The following EYS variants were observed in gnomAD, a reference collection of about 807,000 sequenced individuals.
EYS encodes the protein EGF-like photoreceptor maintenance factor, also known as protein eyes shut homolog.
EYS carries 250 observed loss-of-function variants against 282.1 expected under a neutral mutation model. The ratio of observed to expected loss-of-function variants is 0.89; its 90% confidence interval spans 0.80 to 0.98. The LOEUF (loss-of-function observed/expected upper bound fraction) is 0.98. Ranked by LOEUF, EYS falls within the 50% of genes least tolerant of loss-of-function variation. The pLI, the probability that EYS is intolerant of heterozygous loss-of-function variation, is 0.00. For synonymous variants in EYS, 1,355 were observed against 1,282.9 expected, an observed-to-expected ratio of 1.06 and a Z score of -1.20; for missense variants, 4,016 against 3,709.0, an observed-to-expected ratio of 1.08 and a Z score of -2.15.
chr6:63,726,725 T>C, intron 41 of EYS, 45 bp from the exon 42 acceptor site: 1 of 1,466,932 alleles, frequency 6.8e-7, no homozygotes, highest in Non-Finnish European at 9.3e-7. Context: ...ATCTGCTGGA[T>C]TAAAAAACAT....
chr6:64,805,190 C>T (rs148567138), intron 22 of EYS, among the ~76,000 whole-genome samples: 20 of 151,884 alleles, frequency 1.3e-4, no homozygotes, highest in African/African-American at 2.9e-4. Flanking sequence ...GTGAATTAAA[C>T]GAGTAGTCTC....
At chr6:64,676,357 G>C (rs1769682042) in intron 22 of EYS, among the ~76,000 whole-genome samples, 1 of 148,308 alleles carries the variant, frequency 6.7e-6, no homozygotes, top group Non-Finnish European at 1.5e-5. Context: ...TATATAGAGA[G>C]AGAGAGGGAG....
intron 2 of EYS, among the ~76,000 whole-genome samples, chr6:65,547,434 AG>A (rs1768433926): frequency 6.6e-6 from 1 of 152,046 alleles, no homozygotes; most frequent in Non-Finnish European, 1.5e-5. Flanking sequence ...ATAATATTAC[AG>A]TAATGAATGT....
intron 26 of EYS, among the ~76,000 whole-genome samples, chr6:64,515,040 T>C (rs1777523465): frequency 2.6e-5 from 4 of 151,776 alleles, no homozygotes; most frequent in Admixed American, 1.3e-4. Flanking sequence ...CACAGGTCTA[T>C]AGAATTTATA....
At chr6:64,010,393 T>TGGGGGG (rs199583269) in intron 33 of EYS, among the ~76,000 whole-genome samples, 1 of 70,184 alleles carries the variant, frequency 1.4e-5, no homozygotes, top group African/African-American at 4.5e-5. Context: ...TGTGTTTGGT[T>TGGGGGG]GGGGGGGGGG....
intron 2 of EYS, among the ~76,000 whole-genome samples, chr6:65,514,820 C>G (rs1334529640): frequency 6.6e-6 from 1 of 152,076 alleles, no homozygotes; most frequent in African/African-American, 2.4e-5. Context: ...AACAATAGAC[C>G]TAAAACCATA....
intron 31 of EYS, among the ~76,000 whole-genome samples, chr6:64,198,680 TA>T (rs1451865664): frequency 3.9e-5 from 6 of 152,230 alleles, no homozygotes; most frequent in African/African-American, 1.4e-4. Flanking sequence ...GGCTTCATAG[TA>T]TTCCATGGTG....
intron 19 of EYS, among the ~76,000 whole-genome samples, chr6:64,860,341 C>G (rs977562351): frequency 6.6e-6 from 1 of 152,208 alleles, no homozygotes; most frequent in African/African-American, 2.4e-5. Context: ...TGGCCTAGAT[C>G]CCATGCCTGC....
chr6:63,981,611 G>T (rs954594709), intron 35 of EYS, among the ~76,000 whole-genome samples: 9 of 151,854 alleles, frequency 5.9e-5, no homozygotes, highest in Admixed American at 5.3e-4. Context: ...TCTCCATGTG[G>T]CTAGCAGTAT....
At chr6:64,821,087 G>A (rs1190399368) in intron 21 of EYS, among the ~76,000 whole-genome samples, 5 of 151,342 alleles carry the variant, frequency 3.3e-5, no homozygotes, top group Non-Finnish European at 7.4e-5. Context: ...ATTCTCAGTC[G>A]ACCAACATTT....
chr6:65,667,363 C>A (rs969267), intron 1 of EYS, among the ~76,000 whole-genome samples: 64,823 of 151,610 alleles, frequency 0.43, 14,834 homozygotes, highest in East Asian at 0.65. Context: ...TCATACCATT[C>A]TCTTTCTCAC....
intron 2 of EYS, among the ~76,000 whole-genome samples, chr6:65,519,708 A>ATTTTTTTTTTT (rs59743261): frequency 7.0e-5 from 3 of 42,562 alleles, no homozygotes; most frequent in East Asian, 1.1e-3. Context: ...ATATATATAT[A>ATTTTTTTTTTT]TTTTTTTTTT....
intron 15 of EYS, among the ~76,000 whole-genome samples, chr6:64,921,141 T>G (rs758985614): frequency 4.6e-5 from 7 of 152,160 alleles, no homozygotes; most frequent in Non-Finnish European, 1.0e-4. Context: ...ATTAAAACTA[T>G]ATACTCTAAT....
chr6:65,020,482 G>T (rs934514661), intron 13 of EYS, among the ~76,000 whole-genome samples: 8 of 152,174 alleles, frequency 5.3e-5, no homozygotes, highest in Admixed American at 4.6e-4. Flanking sequence ...ACATCCCATG[G>T]CTTTGGGCAG....
At chr6:63,780,780 T>C (rs1160059193) in intron 39 of EYS, among the ~76,000 whole-genome samples, 1 of 152,232 alleles carries the variant, frequency 6.6e-6, no homozygotes, top group African/African-American at 2.4e-5. Context: ...ATTTTGGCTT[T>C]TGTTGCCATT....
chr6:65,522,369 G>A (rs1767404880), intron 2 of EYS, among the ~76,000 whole-genome samples: 1 of 152,182 alleles, frequency 6.6e-6, no homozygotes, highest in East Asian at 1.9e-4. Flanking sequence ...GGGAGGCTGA[G>A]GCCAGAGGAT....
intron 22 of EYS, among the ~76,000 whole-genome samples, chr6:64,738,624 A>T (rs186114417): frequency 6.6e-6 from 1 of 152,372 alleles, no homozygotes; most frequent in East Asian, 1.9e-4. Context: ...TGCACAATAG[A>T]AAATGAACAG....
chr6:65,052,747 T>C (rs2150155278), intron 13 of EYS, among the ~76,000 whole-genome samples: 1 of 151,708 alleles, frequency 6.6e-6, no homozygotes, highest in African/African-American at 2.4e-5. Flanking sequence ...GAAAACCAAA[T>C]AATACCCTTT....
chr6:64,837,657 A>T (rs1205071021), intron 19 of EYS, among the ~76,000 whole-genome samples: 1 of 134,432 alleles, frequency 7.4e-6, no homozygotes, highest in Non-Finnish European at 1.6e-5. Context: ...ATGATATATG[A>T]TATGTATATG....
Sources: gnomAD v4.1 joint callset for allele counts (sites outside exome capture counted in the v4.1 genomes callset) on GRCh38, gnomAD v4.1.1 for gene constraint, MANE v1.5 for transcripts, NCBI Gene and HGNC (gene_info 2026-07-23, HGNC 2026-07-21) for gene names.